The following MBD3L1 variants were observed in gnomAD, a reference collection of about 807,000 sequenced individuals.
MBD3L1 encodes the protein methyl-CpG binding domain protein 3 like 1, also known as methyl-CpG-binding domain protein 3-like 1.
For synonymous variants in MBD3L1, 84 were observed against 85.1 expected, an observed-to-expected ratio of 0.99 and a Z score of 0.07; for missense variants, 203 against 230.1, an observed-to-expected ratio of 0.88 and a Z score of 0.76.
chr19:8,840,744 A>C (rs2044503792), intron 1 of MBD3L1, among the ~76,000 whole-genome samples, 171 bp from the exon 2 acceptor site: 3 of 152,220 alleles, frequency 2.0e-5, no homozygotes, highest in South Asian at 4.1e-4. Context: ...GAAAAAAGAA[A>C]GCTGGAGAAA....
intron 1 of MBD3L1, among the ~76,000 whole-genome samples, chr19:8,835,655 C>T (rs1348186397): frequency 6.6e-6 from 1 of 151,316 alleles, no homozygotes; most frequent in Non-Finnish European, 1.5e-5. Context: ...GCCACGTGAC[C>T]CAGCAATTTT....
chr19:8,842,403 T>G (rs2044522698), intron 2 of MBD3L1, among the ~76,000 whole-genome samples: 1 of 151,556 alleles, frequency 6.6e-6, no homozygotes, highest in Non-Finnish European at 1.5e-5. Flanking sequence ...ACTTGAGCAT[T>G]TAAGAGTGAC....
chr19:8,838,689 T>C (rs1258845057), intron 1 of MBD3L1, among the ~76,000 whole-genome samples: 1 of 152,190 alleles, frequency 6.6e-6, no homozygotes, highest in East Asian at 1.9e-4. Flanking sequence ...GCATTGTTGG[T>C]GGTAAAATAA....
intron 1 of MBD3L1, among the ~76,000 whole-genome samples, chr19:8,837,553 T>C (rs147211699): frequency 6.6e-6 from 1 of 152,204 alleles, no homozygotes; most frequent in Non-Finnish European, 1.5e-5. Context: ...CTGCCTCGAA[T>C]GGGGGTGGCT....
intron 1 of MBD3L1, among the ~76,000 whole-genome samples, chr19:8,837,457 C>T (rs139626240): frequency 9.9e-5 from 15 of 152,262 alleles, no homozygotes; most frequent in African/African-American, 2.6e-4. Flanking sequence ...AGAATGAAGT[C>T]GGCAGTGTGT....
chr19:8,838,313 A>G (rs190508988), intron 1 of MBD3L1, among the ~76,000 whole-genome samples: 2 of 144,512 alleles, frequency 1.4e-5, no homozygotes, highest in East Asian at 4.2e-4. Flanking sequence ...ACCTTCCTCC[A>G]GGGCAAGGCC....
intron 1 of MBD3L1, among the ~76,000 whole-genome samples, chr19:8,838,737 A>T (rs1311922728): frequency 1.3e-5 from 2 of 152,232 alleles, no homozygotes; most frequent in African/African-American, 4.8e-5. Flanking sequence ...AGACAGATTT[A>T]TTAGAGAAGA....
rs371624100 is a variant in MBD3L1 at position 8,843,087 on chromosome 19, G to A, written c.409G>A (p.Val137Met). The A allele has an allele frequency of 3.7e-6, 6 of 1,614,024 alleles. 1 individual carries two copies. Among genetic ancestry groups the A allele is most frequent in the Middle Eastern group, 3.3e-4 (2 of 6,062 alleles). ...GGTGGAGATAATTCCTGCAGAGGGA[G>A]TGGGTATCTCGCAGCTCCTCTGCAA... ...DAVEIIPAEG[V>M]GISQLLCKQF... The change falls in exon 3 of 3, where the codon GTG becomes ATG. Residue 137 changes from valine (V) to methionine (M), a missense_variant. By Grantham distance (21) the Val-to-Met change is conservative. Transcript: ENST00000595891.
In MBD3L1 at chr19:8,842,778, A is replaced by G. The variant is rs980575978; in HGVS notation, c.100A>G (p.Thr34Ala). The change falls in exon 3 of 3, where the codon ACA becomes GCA. Residue 34 changes from threonine (T) to alanine (A), a missense_variant. Transcript: ENST00000595891. ...TSIPLRMSSY[T>A]FKRPVTRITP... ...AATCCCTTTGAGAATGTCCAGTTAC[A>G]CATTCAAGAGGCCAGTAACGAGAAT... 6.2e-7 allele frequency: 1 copy of G among 1,614,254 alleles called. No individual in the cohort carries two copies. The highest frequency in any genetic ancestry group is 8.5e-7 in the Non-Finnish European group (1 of 1,180,050).
chr19:8,837,317 A>G (rs913674638), intron 1 of MBD3L1, among the ~76,000 whole-genome samples: 2 of 152,216 alleles, frequency 1.3e-5, no homozygotes, highest in African/African-American at 4.8e-5. Context: ...GATTAGTAAC[A>G]ATGGCAAAAT....
intron 1 of MBD3L1, among the ~76,000 whole-genome samples, chr19:8,833,783 G>A (rs2044418317): frequency 1.3e-5 from 2 of 152,130 alleles, no homozygotes; most frequent in African/African-American, 4.8e-5. Context: ...GAGGTCAGGA[G>A]TTCGAGACCA....
At chr19:8,836,654 G>A (rs984145586) in intron 1 of MBD3L1, among the ~76,000 whole-genome samples, 6 of 152,176 alleles carry the variant, frequency 3.9e-5, no homozygotes, top group East Asian at 1.9e-4. Context: ...ACCACGCCCA[G>A]CTAGTTTTTG....
chr19:8,835,009 T>A (rs2044439641), intron 1 of MBD3L1, among the ~76,000 whole-genome samples: 1 of 151,636 alleles, frequency 6.6e-6, no homozygotes, highest in African/African-American at 2.4e-5. Flanking sequence ...GGCTTGCGAC[T>A]CAGCAATAAA....
At position 8,833,964 on chromosome 19, in the gene MBD3L1, G is replaced by A. The variant is rs192707960; in HGVS notation, c.-107+1442G>A. On this transcript the variant is annotated intron_variant, in intron 1 of 2. Coordinates refer to ENST00000595891, the MANE Select transcript of MBD3L1 (RefSeq NM_001393532.1). ...GATTGCAGCCGGTGCACTCCAGCCC[G>A]GGTGACGAGCAAGACTCCATCTCAA... is the stretch of plus-strand genomic sequence containing the variant. Among the ~76,000 whole-genome samples the A allele has an allele frequency of 1.4e-4, 22 of 151,970 alleles. No individual in the cohort carries two copies. The East Asian group carries it at 3.7e-3, about 26-fold the overall frequency.
At chr19:8,840,886 G>GTCGTGGCACTAAGACC (rs2044505528) in intron 1 of MBD3L1, 29 bp from the exon 2 acceptor site, 1 of 152,204 alleles carries the variant, frequency 6.6e-6, no homozygotes, top group African/African-American at 2.4e-5. Context: ...GCACTAAGAC[G>GTCGTGGCACTAAGACC]TCATGTCACG....
At chr19:8,838,754 G>A (rs971079540) in intron 1 of MBD3L1, among the ~76,000 whole-genome samples, 1 of 152,142 alleles carries the variant, frequency 6.6e-6, no homozygotes, top group Non-Finnish European at 1.5e-5. Context: ...AAGATATGAA[G>A]ATAGGTTGCA....
intron 1 of MBD3L1, among the ~76,000 whole-genome samples, chr19:8,840,668 G>A (rs147366283): frequency 6.6e-6 from 1 of 152,122 alleles, no homozygotes; most frequent in African/African-American, 2.4e-5. Flanking sequence ...AGGGATATTT[G>A]CAGATTTGGC....
chr19:8,836,645 C>G (rs1234215024), intron 1 of MBD3L1, among the ~76,000 whole-genome samples: 1 of 152,144 alleles, frequency 6.6e-6, no homozygotes, highest in Non-Finnish European at 1.5e-5. Context: ...GCGTGCACCA[C>G]CACGCCCAGC....
At chr19:8,841,454 G>A (rs1483137791) in intron 2 of MBD3L1, among the ~76,000 whole-genome samples, 2 of 152,140 alleles carry the variant, frequency 1.3e-5, no homozygotes, top group Admixed American at 1.3e-4. Context: ...ACAGATACTT[G>A]CTCCTCAAGG....
Sources: allele counts gnomAD v4.1 joint callset (sites outside exome capture counted in the v4.1 genomes callset), GRCh38; gene constraint gnomAD v4.1.1; transcripts MANE v1.5; gene names NCBI Gene and HGNC (gene_info 2026-07-23, HGNC 2026-07-21).